The following FCHO2 variants were observed in gnomAD, a reference collection of about 807,000 sequenced individuals.
FCHO2 encodes the protein FCH and mu domain containing endocytic adaptor 2, also known as F-BAR domain only protein 2.
A neutral mutation model predicts 114.1 loss-of-function variants in FCHO2; 43 were observed. That is an observed-to-expected ratio of 0.38 (90% CI 0.30 to 0.49). FCHO2 has a LOEUF of 0.49. Ranked by LOEUF, FCHO2 falls within the 20% of genes least tolerant of loss-of-function variation. FCHO2 has a pLI of 0.97. For missense variants in FCHO2, 807 were observed against 950.4 expected, an observed-to-expected ratio of 0.85 and a Z score of 1.98; for synonymous variants, 293 against 315.2, an observed-to-expected ratio of 0.93 and a Z score of 0.75.
chr5:72,961,654 G>A (rs369004780), intron 1 of FCHO2, among the ~76,000 whole-genome samples: 3 of 151,820 alleles, frequency 2.0e-5, no homozygotes, highest in Admixed American at 6.6e-5. Flanking sequence ...GAGTGCAATG[G>A]CGCGATCTCA....
chr5:73,045,626 A>C (rs1459101562), intron 11 of FCHO2, among the ~76,000 whole-genome samples: 1 of 152,192 alleles, frequency 6.6e-6, no homozygotes, highest in East Asian at 1.9e-4. Flanking sequence ...TTCTTTATGA[A>C]ATCTACTTTA....
intron 11 of FCHO2, 29 bp downstream of exon 11, chr5:73,041,344 A>G: frequency 7.2e-7 from 1 of 1,385,480 alleles, no homozygotes. Context: ...GATATAAACA[A>G]TTTAAATTAG....
intron 5 of FCHO2, among the ~76,000 whole-genome samples, chr5:73,000,063 T>C (rs368847275): frequency 6.6e-6 from 1 of 152,162 alleles, no homozygotes; most frequent in African/African-American, 2.4e-5. Context: ...TGGAGTGCAT[T>C]GGCACAATCA....
intron 1 of FCHO2, among the ~76,000 whole-genome samples, chr5:72,957,223 T>C (rs1751600969): frequency 6.7e-6 from 1 of 148,524 alleles, no homozygotes; most frequent in African/African-American, 2.5e-5. Context: ...ACAGCTTTAT[T>C]GAGTTCACAT....
At chr5:73,036,429 A>G (rs1051634589) in intron 9 of FCHO2, among the ~76,000 whole-genome samples, 12 of 151,558 alleles carry the variant, frequency 7.9e-5, no homozygotes, top group African/African-American at 2.7e-4. Flanking sequence ...GGTGGAGTGC[A>G]GTGGTGTGAT....
chr5:72,997,782 C>G (rs1754204171), intron 5 of FCHO2: 1 of 1,297,602 alleles, frequency 7.7e-7, no homozygotes, highest in Non-Finnish European at 1.0e-6. Flanking sequence ...CCCTGGAAGC[C>G]CTACACTCCA....
intron 13 of FCHO2, among the ~76,000 whole-genome samples, chr5:73,053,241 A>G (rs1175349401): frequency 2.6e-5 from 4 of 152,120 alleles, no homozygotes; most frequent in African/African-American, 9.7e-5. Flanking sequence ...AGTTACATGT[A>G]TTTGTTTGGA....
At chr5:73,014,045 A>C (rs868231326) in intron 6 of FCHO2, among the ~76,000 whole-genome samples, 7 of 152,058 alleles carry the variant, frequency 4.6e-5, no homozygotes, top group African/African-American at 1.4e-4. Flanking sequence ...CTCTCTGGGG[A>C]TATCAGAGTA....
intron 1 of FCHO2, among the ~76,000 whole-genome samples, chr5:72,957,274 G>C (rs995868506): frequency 2.0e-5 from 3 of 152,162 alleles, no homozygotes; most frequent in Non-Finnish European, 4.4e-5. Flanking sequence ...GTACAATTCA[G>C]AGGTTTTTTC....
chr5:73,002,121 C>A (rs1031385347), intron 5 of FCHO2, among the ~76,000 whole-genome samples: 1 of 151,982 alleles, frequency 6.6e-6, no homozygotes, highest in African/African-American at 2.4e-5. Context: ...AAGTAGTGAA[C>A]AAATAAGTGC....
intron 16 of FCHO2, among the ~76,000 whole-genome samples, chr5:73,057,032 T>C (rs967642019): frequency 9.2e-5 from 14 of 152,096 alleles, no homozygotes; most frequent in Non-Finnish European, 2.1e-4. Context: ...TGATCATGGC[T>C]CTCTGCAGCC....
At chr5:73,054,502 C>T in intron 14 of FCHO2, 23 bp from the exon 15 acceptor site, 1 of 1,527,064 alleles carries the variant, frequency 6.5e-7, no homozygotes, top group Non-Finnish European at 8.8e-7. Context: ...TTTTATGGTA[C>T]CTATTTTGCA....
chr5:73,057,157 A>G (rs1757637452), intron 16 of FCHO2, among the ~76,000 whole-genome samples: 1 of 151,438 alleles, frequency 6.6e-6, no homozygotes, highest in Admixed American at 6.6e-5. Flanking sequence ...CTGGTCTCGA[A>G]CTCCTGGACT....
chr5:73,042,402 G>A (rs559559803), intron 11 of FCHO2, among the ~76,000 whole-genome samples: 7 of 152,232 alleles, frequency 4.6e-5, no homozygotes, highest in Admixed American at 4.6e-4. Flanking sequence ...GCATTAAATT[G>A]ATGATGTAAA....
intron 5 of FCHO2, among the ~76,000 whole-genome samples, chr5:73,005,812 C>T (rs1298975639): frequency 6.6e-6 from 1 of 151,976 alleles, no homozygotes; most frequent in Non-Finnish European, 1.5e-5. Flanking sequence ...AAATAAGTAA[C>T]TTATAAAACC....
chr5:73,022,826 C>A (rs1246811705), intron 8 of FCHO2, among the ~76,000 whole-genome samples: 1 of 152,220 alleles, frequency 6.6e-6, no homozygotes, highest in Non-Finnish European at 1.5e-5. Context: ...TCTTTTCTTT[C>A]ATTTTTGCTT....
chr5:72,968,395 T>A, intron 1 of FCHO2, 103 bp from the exon 2 acceptor site: 1 of 706,110 alleles, frequency 1.4e-6, no homozygotes, highest in Non-Finnish European at 2.2e-6. Flanking sequence ...TGAAAACACC[T>A]CACCTGAGCA....
intron 8 of FCHO2, among the ~76,000 whole-genome samples, chr5:73,018,841 T>A (rs1012812186): frequency 3.9e-5 from 6 of 152,222 alleles, no homozygotes; most frequent in African/African-American, 1.4e-4. Context: ...CAGTGGTATT[T>A]TTTTTAGCAA....
chr5:72,963,468 T>G (rs1751986681), intron 1 of FCHO2, among the ~76,000 whole-genome samples: 4 of 152,204 alleles, frequency 2.6e-5, no homozygotes. Context: ...TCTTGGTATT[T>G]TCAGTTGATA....
Sources: gnomAD v4.1 joint callset for allele counts (sites outside exome capture counted in the v4.1 genomes callset) on GRCh38, gnomAD v4.1.1 for gene constraint, MANE v1.5 for transcripts, NCBI Gene and HGNC (gene_info 2026-07-23, HGNC 2026-07-21) for gene names.